Variants in VPS35L observed in about 807,000 individuals in gnomAD.
VPS35L encodes the protein VPS35 endosomal protein-sorting factor-like.
VPS35L carries 83 observed loss-of-function variants against 133.0 expected under a neutral mutation model. The ratio of observed to expected loss-of-function variants is 0.62; its 90% CI spans 0.52 to 0.75. The LOEUF is 0.75. Ranked by LOEUF, VPS35L falls within the 30% of genes least tolerant of loss-of-function variation. The probability of loss-of-function intolerance (pLI) is 0.00; values close to 1 mark genes in which losing one functional copy is unlikely to be tolerated. For synonymous variants in VPS35L, 423 were observed against 449.9 expected (o/e 0.94, Z 0.76); for missense variants, 1,083 against 1,206.8 (o/e 0.90, Z 1.52).
intron 3 of VPS35L, among the ~76,000 whole-genome samples, chr16:19,570,856 TATATATATATATATATATA>T (rs1971346523): frequency 4.6e-5 from 2 of 43,848 alleles, no homozygotes; most frequent in African/African-American, 4.8e-4. Flanking sequence ...TATATATATA[TATATATATATATATATATA>T]TATATATATA....
chr16:19,617,231 G>A (rs1793320764), intron 14 of VPS35L: 4 of 406,708 alleles, frequency 9.8e-6, no homozygotes, highest in Non-Finnish European at 1.8e-5. Flanking sequence ...GGTGATATAT[G>A]CCTATAGTCC....
At chr16:19,561,200 C>G (rs1173531678) in intron 1 of VPS35L, among the ~76,000 whole-genome samples, 1 of 152,036 alleles carries the variant, frequency 6.6e-6, no homozygotes, top group Non-Finnish European at 1.5e-5. Context: ...AAACCCCTAT[C>G]TCTACTAAAA....
At chr16:19,570,868 TATATATA>T (rs1567388592) in intron 3 of VPS35L, among the ~76,000 whole-genome samples, 9 of 85,412 alleles carry the variant, frequency 1.1e-4, no homozygotes, top group African/African-American at 5.0e-4. Flanking sequence ...TATATATATA[TATATATA>T]TATATATATA....
intron 19 of VPS35L, among the ~76,000 whole-genome samples, chr16:19,635,546 ACTAATTGAGACAATCAACAG>A (rs1382022364): frequency 6.6e-6 from 1 of 152,200 alleles, no homozygotes; most frequent in Non-Finnish European, 1.5e-5. Flanking sequence ...GTCAGAAAAG[ACTAATTGAGACAATCAACAG>A]CTTGGAAATG....
rs867725528 is a variant in VPS35L at position 19,589,820 on chromosome 16, G to A, written c.640-1970G>A. 6.6e-5 allele frequency among the ~76,000 whole-genome samples: 10 copies of A among 152,278 alleles called. No homozygotes were observed. The South Asian group carries it at 8.3e-4, about 13-fold the overall frequency. On this transcript the variant is annotated intron_variant, in intron 7 of 30. Transcript: ENST00000417362. ...AGCTGTGTTTAATTTGAAATCCTCT[G>A]TTTAAATTCTCTCTCTCTCACCTCA...
At chr16:19,695,551 T>G (rs1975876530) in intron 29 of VPS35L, among the ~76,000 whole-genome samples, 1 of 152,128 alleles carries the variant, frequency 6.6e-6, no homozygotes, top group South Asian at 2.1e-4. Context: ...TGGTGGCTCA[T>G]GCCTGTAATC....
chr16:19,578,322 C>T (rs1025701936), intron 5 of VPS35L: 8 of 445,516 alleles, frequency 1.8e-5, no homozygotes, highest in Admixed American at 2.5e-5. Flanking sequence ...TACAGTGAGC[C>T]GAGATCGCGC....
At position 19,675,065 on chromosome 16, in the gene VPS35L, A is replaced by C. The variant is rs539375187; in HGVS notation, c.2361+5766A>C. Among the ~76,000 whole-genome samples, 249 of 151,020 alleles carry C rather than the reference A, an allele frequency of 1.6e-3. 1 individual carries two copies. The highest frequency in any genetic ancestry group is 3.0e-3 in the Non-Finnish European group (200 of 67,758). On this transcript the variant is annotated intron_variant, in intron 27 of 30. Transcript: ENST00000417362. ...CCTCCTGGGCTCAAATATTGTCCCAACTCAGCCTCTTTGAATAGTTGGGAC... is the reference window on the plus strand; with the variant it reads ...CCTCCTGGGCTCAAATATTGTCCCACCTCAGCCTCTTTGAATAGTTGGGAC...
At chr16:19,678,098 A>T (rs967365333) in intron 27 of VPS35L, among the ~76,000 whole-genome samples, 3 of 152,168 alleles carry the variant, frequency 2.0e-5, no homozygotes, top group Admixed American at 1.3e-4. Flanking sequence ...AGAGTTAGTT[A>T]CTTCTAGGGT....
At position 19,566,611 on chromosome 16, in the gene VPS35L, G is replaced by A. The variant is rs917839315; in HGVS notation, c.117+1661G>A. Among the ~76,000 whole-genome samples, 5 of 152,186 alleles carry A rather than the reference G, an allele frequency of 3.3e-5. No homozygotes were observed. The East Asian group carries it at 9.6e-4, about 29-fold the overall frequency. ...CCAGAGTAGGTTCAGAGAGGCTCCA[G>A]CACAGTCACGTGGTAGAAGATTTAT... On this transcript the variant is annotated intron_variant, in intron 2 of 30. Coordinates refer to ENST00000417362, the MANE Select transcript of VPS35L (RefSeq NM_020314.7).
In VPS35L at chr16:19,637,659, A is replaced by G; in HGVS notation, c.1698+3A>G. On this transcript the variant is annotated splice_donor_region_variant and intron_variant, in intron 20 of 30. Coordinates refer to ENST00000417362, the MANE Select transcript of VPS35L (RefSeq NM_020314.7). ...ACTTCTCAGTTCTTTTCTCAGTGGT[A>G]AGTAGGATTTCTTAATTATCTTTGG... is the stretch of plus-strand genomic sequence containing the variant. 6.4e-7 allele frequency: 1 copy of G among 1,566,562 alleles called. No homozygotes were observed.
intron 27 of VPS35L, among the ~76,000 whole-genome samples, chr16:19,678,541 G>T (rs1405410894): frequency 6.6e-6 from 1 of 150,688 alleles, no homozygotes; most frequent in Non-Finnish European, 1.5e-5. Flanking sequence ...GCAGTGGCAC[G>T]ATCTCGGCTC....
intron 14 of VPS35L, among the ~76,000 whole-genome samples, chr16:19,622,065 AG>A (rs1470257873): frequency 1.3e-5 from 2 of 150,464 alleles, no homozygotes; most frequent in Non-Finnish European, 2.9e-5. Flanking sequence ...TCTTACCCTC[AG>A]TGTCTGGAAC....
intron 23 of VPS35L, among the ~76,000 whole-genome samples, chr16:19,646,198 C>G (rs148425140): frequency 1.7e-4 from 26 of 152,250 alleles, no homozygotes; most frequent in African/African-American, 5.5e-4. Context: ...TGGCCTTGTT[C>G]CCTTCTCCAG....
rs1451658454 is a variant in VPS35L at position 19,616,196 on chromosome 16, G to A, written c.1101+5G>A. ...TTCCTCCTTACGTTCAAACAGGTAA[G>A]AGAACACTATCAGAATAGCTCATCG... On this transcript the variant is annotated splice_donor_5th_base_variant and intron_variant, in intron 13 of 30. Transcript: ENST00000417362. The A allele has an allele frequency of 5.6e-6, 9 of 1,601,544 alleles. No individual in the cohort carries two copies. The highest frequency in any genetic ancestry group is 7.7e-6 in the Non-Finnish European group (9 of 1,169,124).
chr16:19,571,321 A>G (rs1971377721), intron 3 of VPS35L, among the ~76,000 whole-genome samples: 1 of 151,738 alleles, frequency 6.6e-6, no homozygotes, highest in Non-Finnish European at 1.5e-5. Context: ...GGCTCGAACA[A>G]TCCCCCTGCC....
chr16:19,661,672 C>A (rs1028059188), intron 26 of VPS35L, among the ~76,000 whole-genome samples: 3 of 152,196 alleles, frequency 2.0e-5, no homozygotes, highest in Non-Finnish European at 4.4e-5. Context: ...TTAGAGAGGA[C>A]CCTTCCCGCC....
At chr16:19,557,383 C>G (rs1970894340) in intron 1 of VPS35L, among the ~76,000 whole-genome samples, 1 of 152,092 alleles carries the variant, frequency 6.6e-6, no homozygotes, top group East Asian at 1.9e-4. Context: ...TGGCCGTGCT[C>G]TAAATATTTT....
At chr16:19,637,778 G>T in intron 20 of VPS35L, 122 bp downstream of exon 20, 1 of 649,334 alleles carries the variant, frequency 1.5e-6, no homozygotes, top group Non-Finnish European at 2.6e-6. Context: ...CTTTTATAAA[G>T]TAGTTAAGTC....
Sources: gnomAD v4.1 joint callset for allele counts (sites outside exome capture counted in the v4.1 genomes callset) on GRCh38, gnomAD v4.1.1 for gene constraint, MANE v1.5 for transcripts, NCBI Gene and HGNC (gene_info 2026-07-23, HGNC 2026-07-21) for gene names.